Variants in ARHGEF2 observed in about 807,000 individuals in gnomAD.
ARHGEF2 encodes the protein Rho/Rac guanine nucleotide exchange factor 2, also known as rho guanine nucleotide exchange factor 2.
In ARHGEF2, 22 loss-of-function variants were observed where a neutral mutation model predicts 121.0. The ratio of observed to expected loss-of-function variants is 0.18; its 90% CI spans 0.13 to 0.26. The LOEUF (loss-of-function observed/expected upper bound fraction) is 0.26, where lower values mean the gene tolerates loss of function less well. Ranked by LOEUF, ARHGEF2 falls within the 10% of genes least tolerant of loss-of-function variation. The pLI, the probability that ARHGEF2 is intolerant of heterozygous loss-of-function variation, is 1.00. For missense variants in ARHGEF2, 907 were observed against 1,336.0 expected, an observed-to-expected ratio of 0.68 and a Z score of 5.01; for synonymous variants, 487 against 530.0, an observed-to-expected ratio of 0.92 and a Z score of 1.11.
Position 155,962,322 on chromosome 1 carries a change from T to C in ARHGEF2, c.1102-100A>G. 1 of 1,258,378 alleles carries C rather than the reference T, an allele frequency of 7.9e-7. No homozygotes were observed. The highest frequency in any genetic ancestry group is 1.5e-5 in the African/African-American group (1 of 67,540). The allele number at this position is 1,258,378 out of a possible 1,614,324, so 78.0% of individuals were successfully genotyped here. A position where few individuals can be genotyped will look rare whatever the true frequency, so the allele number is the denominator to read the frequency against. ...GGCCCTGGCGTGGCCATTTACCTCATGCTTGCCTAGGTGACATATCTGGAA... is the reference window on the plus strand; with the variant it reads ...GGCCCTGGCGTGGCCATTTACCTCACGCTTGCCTAGGTGACATATCTGGAA... On this transcript the variant is annotated intron_variant, in intron 9 of 21. Transcript: ENST00000361247. This position sits in a 1 kb window ranked among gnomAD's most constrained non-coding sequence, Gnocchi z 5.8.
intron 2 of ARHGEF2, chr1:155,968,295 C>T (rs1572170200): frequency 6.6e-6 from 1 of 151,458 alleles, no homozygotes; most frequent in African/African-American, 2.4e-5. Context: ...GAGCGGGTTG[C>T]CCATCACTGG....
In ARHGEF2 at chr1:155,947,920, G is replaced by A. The variant is rs548663287; in HGVS notation, c.*22C>T. Reference sequence around the variant, plus strand: ...TCAGTAATGTTCTTCAGTGGGGCACGGGGCAGGGGGGAGGGGCCCCCTTAG... The same window carrying A: ...TCAGTAATGTTCTTCAGTGGGGCACAGGGCAGGGGGGAGGGGCCCCCTTAG... On this transcript the variant is annotated 3_prime_UTR_variant, in exon 22 of 22. Transcript: ENST00000361247. 8 of 1,512,880 alleles carry A rather than the reference G, an allele frequency of 5.3e-6. No homozygotes were observed. Among genetic ancestry groups the A allele is most frequent in the East Asian group, 4.9e-5 (2 of 40,756 alleles). 93.7% of individuals were successfully genotyped at this position (1,512,880 alleles called of 1,614,324 possible).
Position 155,965,371 on chromosome 1 carries a change from A to T in ARHGEF2, c.512T>A (p.Leu171His). ...GTTGAGGGAGTCTGTGGACTGTGAG[A>T]GGATCCGGCGCAGCCCCAGGGGAGA... ...DESPLGLRRI[L>H]SQSTDSLNMR... Residue 171 changes from leucine to histidine, a missense_variant, in exon 6 of 22, where the codon CTC (leucine) becomes CAC (histidine). Leu to His is a moderately conservative substitution (Grantham distance 99). Coordinates refer to ENST00000361247, the MANE Select transcript of ARHGEF2 (RefSeq NM_001162383.2). The surrounding 1 kb of genome is among the most constrained non-coding windows in gnomAD (Gnocchi z 6.0). 6.2e-7 allele frequency: 1 copy of T among 1,614,134 alleles called. No homozygotes were observed. Among genetic ancestry groups the T allele is most frequent in the Admixed American group, 1.7e-5 (1 of 60,020 alleles).
intron 7 of ARHGEF2, among the ~76,000 whole-genome samples, chr1:155,964,201 T>TATATATAC (rs1678841614): frequency 8.7e-6 from 1 of 114,744 alleles, no homozygotes; most frequent in African/African-American, 3.4e-5. Flanking sequence ...TATATATACA[T>TATATATAC]ATATATATAT....
chr1:155,947,444 C>A lies in ARHGEF2; in HGVS notation c.*498G>T, dbSNP rs1000660123. ...AGGGGAGAGGAGAAAGGGACATGGC[C>A]CTGCCCACAGCCCTCCTTTATTTAA... On this transcript the variant is annotated 3_prime_UTR_variant, in exon 22 of 22. Coordinates refer to ENST00000361247, the MANE Select transcript of ARHGEF2 (RefSeq NM_001162383.2). 2 of 456,394 alleles carry A rather than the reference C, an allele frequency of 4.4e-6. No individual in the cohort carries two copies. The highest frequency in any genetic ancestry group is 8.8e-6 in the Non-Finnish European group (2 of 226,816). The allele number at this position is 456,394 out of a possible 1,614,324, so 28.3% of individuals were successfully genotyped here. A position where few individuals can be genotyped will look rare whatever the true frequency, so the allele number is the denominator to read the frequency against.
At chr1:155,958,448 C>T (rs370648376) in intron 11 of ARHGEF2, 52 bp from the exon 12 acceptor site, 20 of 1,448,302 alleles carry the variant, frequency 1.4e-5, no homozygotes, top group African/African-American at 9.8e-5. Flanking sequence ...GTCTGAGCAG[C>T]TGCTTCCCTC....
At position 155,952,967 on chromosome 1, in the gene ARHGEF2, G is replaced by T. The variant is rs1463178964; in HGVS notation, c.1784-139C>A. On this transcript the variant is annotated intron_variant, in intron 14 of 21. Coordinates refer to ENST00000361247, the MANE Select transcript of ARHGEF2 (RefSeq NM_001162383.2). Reference sequence around the variant, plus strand: ...TTGTTATTTTGGCATTTATAAAAAAGAAAAAGCTTTCTGTTGGTCAGGTGT... The same window carrying T: ...TTGTTATTTTGGCATTTATAAAAAATAAAAAGCTTTCTGTTGGTCAGGTGT... The T allele has an allele frequency of 9.9e-6, 8 of 804,816 alleles. 1 individual carries two copies. The highest frequency in any genetic ancestry group is 5.6e-5 in the Admixed American group (2 of 35,476). The allele number at this position is 804,816 out of a possible 1,614,324, so 49.9% of individuals were successfully genotyped here.
In ARHGEF2 at chr1:155,966,407, A is replaced by C. The variant is rs772364471; in HGVS notation, c.340+9T>G. On this transcript the variant is annotated intron_variant, in intron 4 of 21. Transcript: ENST00000361247. ...CTTAGGGGACCTCCTCCACTCCCCA[A>C]CTACTCACTCTTACTTCGAAGAGAA... 6.2e-7 allele frequency: 1 copy of C among 1,614,042 alleles called. No individual in the cohort carries two copies.
chr1:155,952,876 A>C (rs770885714), intron 14 of ARHGEF2, 48 bp from the exon 15 acceptor site: 1 of 1,595,202 alleles, frequency 6.3e-7, no homozygotes. Flanking sequence ...AGGGGTATGC[A>C]AGAGCGCCAG....
intron 7 of ARHGEF2, 70 bp from the exon 8 acceptor site, chr1:155,963,253 G>A: frequency 1.3e-6 from 2 of 1,532,102 alleles, no homozygotes; most frequent in Non-Finnish European, 1.8e-6. Context: ...CTAGGATAAG[G>A]ACCTCACAGT....
intron 1 of ARHGEF2, chr1:155,970,789 G>C: frequency 1.0e-6 from 1 of 985,908 alleles, no homozygotes; most frequent in Admixed American, 6.1e-5. Flanking sequence ...GGGACAGAGG[G>C]CATGGGGCTG....
chr1:155,973,898 C>T (rs1029533887), intron 1 of ARHGEF2, among the ~76,000 whole-genome samples: 3 of 152,130 alleles, frequency 2.0e-5, no homozygotes, highest in Admixed American at 1.3e-4. Context: ...CAGTGACGTA[C>T]ATGGAGGGGA....
In ARHGEF2 at chr1:155,965,446, A is replaced by C. The variant is rs751890728; in HGVS notation, c.471-34T>G. On this transcript the variant is annotated intron_variant, in intron 5 of 21. Coordinates refer to ENST00000361247, the MANE Select transcript of ARHGEF2 (RefSeq NM_001162383.2). The surrounding 1 kb of genome is among the most constrained non-coding windows in gnomAD (Gnocchi z 6.0). ...AGTGGAGGCTGTCTGCATCACCCCC[A>C]GTCGGGCAAAAGATCCCTTCCCAGG... The C allele has an allele frequency of 6.2e-6, 10 of 1,607,578 alleles. No homozygotes were observed. In the Admixed American group the frequency reaches 6.7e-5, roughly 11 times the overall value.
rs932624892 is a variant in ARHGEF2 at position 155,962,489 on chromosome 1, C to T, written c.1101+104G>A. On this transcript the variant is annotated intron_variant, in intron 9 of 21. Transcript: ENST00000361247. This position sits in a 1 kb window ranked among gnomAD's most constrained non-coding sequence, Gnocchi z 5.8. ...GTGTATGGATGGTCTGCACGGGTGG[C>T]GAATGCCTGACCTCCATGTGGGTGC... 2.8e-5 allele frequency: 42 copies of T among 1,519,182 alleles called. No homozygotes were observed. The highest frequency in any genetic ancestry group is 3.3e-5 in the Non-Finnish European group (37 of 1,116,958). The allele number at this position is 1,519,182 out of a possible 1,614,324, so 94.1% of individuals were successfully genotyped here. A position where few individuals can be genotyped will look rare whatever the true frequency, so the allele number is the denominator to read the frequency against.
chr1:155,962,261 G>A lies in ARHGEF2; in HGVS notation c.1102-39C>T. On this transcript the variant is annotated intron_variant, in intron 9 of 21. Transcript: ENST00000361247. This position sits in a 1 kb window ranked among gnomAD's most constrained non-coding sequence, Gnocchi z 5.8. ...GGCAGGGCTCAGGGCCAGAGGGGAG[G>A]GCAACAGAAAGGCCTGGGGCCTGAG... is the stretch of plus-strand genomic sequence containing the variant. The A allele has an allele frequency of 6.3e-7, 1 of 1,593,218 alleles. No homozygotes were observed. The highest frequency in any genetic ancestry group is 8.6e-7 in the Non-Finnish European group (1 of 1,162,884).
intron 1 of ARHGEF2, 151 bp from the exon 2 acceptor site, chr1:155,969,451 G>A: frequency 1.4e-6 from 2 of 1,460,168 alleles, no homozygotes; most frequent in South Asian, 2.8e-5. Flanking sequence ...GCCTGCAACT[G>A]GGTGTCAGAG....
intron 1 of ARHGEF2, chr1:155,969,543 A>G (rs1033259878): frequency 2.2e-6 from 3 of 1,353,660 alleles, no homozygotes; most frequent in Non-Finnish European, 2.9e-6. Context: ...CCTGGCCCCT[A>G]CGGCTGGGCT....
chr1:155,966,420 A>ACT lies in ARHGEF2; in HGVS notation c.334_335dup (p.Ser112ArgfsTer36). 1.2e-6 allele frequency: 2 copies of ACT among 1,614,008 alleles called. No individual in the cohort carries two copies. Among genetic ancestry groups the ACT allele is most frequent in the Non-Finnish European group, 1.7e-6 (2 of 1,179,950 alleles). ...CTCCACTCCCCAACTACTCACTCTTACTTCGAAGAGAAACGGACTGCAAGG... is the reference window on the plus strand; with the variant it reads ...CTCCACTCCCCAACTACTCACTCTTACTCTTCGAAGAGAAACGGACTGCAAGG... On this transcript the variant is annotated frameshift_variant, in exon 4 of 22. Transcript: ENST00000361247. LOFTEE classifies it high-confidence loss of function.
chr1:155,950,771 G>A lies in ARHGEF2; in HGVS notation c.2703+58C>T, dbSNP rs1224466215. ...AATCCCCAATGGCCCAATTTCTTTC[G>A]GGCTCCATGGACCCTTATGTCCACC... On this transcript the variant is annotated intron_variant, in intron 20 of 21. Transcript: ENST00000361247. This position sits in a 1 kb window ranked among gnomAD's most constrained non-coding sequence, Gnocchi z 5.2. 1.7e-5 allele frequency: 25 copies of A among 1,486,710 alleles called. No individual in the cohort carries two copies. The highest frequency in any genetic ancestry group is 2.3e-5 in the East Asian group (1 of 43,680). 92.1% of individuals were successfully genotyped at this position (1,486,710 alleles called of 1,614,324 possible).
Sources: gnomAD v4.1 joint callset for allele counts (sites outside exome capture counted in the v4.1 genomes callset) on GRCh38, gnomAD v4.1.1 for gene constraint, Gnocchi (gnomAD v3.1) non-coding constraint, MANE v1.5 for transcripts, NCBI Gene and HGNC (gene_info 2026-07-23, HGNC 2026-07-21) for gene names.